Variants in THSD7B observed in about 807,000 individuals in gnomAD.
THSD7B encodes the protein thrombospondin type 1 domain containing 7B.
A neutral mutation model predicts 213.6 loss-of-function variants in THSD7B; 138 were observed. The ratio of observed to expected loss-of-function variants is 0.65; its 90% CI spans 0.56 to 0.74. THSD7B has a LOEUF of 0.74. Ranked by LOEUF, THSD7B falls within the 30% of genes least tolerant of loss-of-function variation. The pLI, the probability that THSD7B is intolerant of heterozygous loss-of-function variation, is 0.00. For synonymous variants in THSD7B, 742 were observed against 687.0 expected (o/e 1.08, Z -1.25); for missense variants, 1,931 against 1,991.5 (o/e 0.97, Z 0.58).
At chr2:136,784,116 AG>A (rs1681794999) in intron 1 of THSD7B, among the ~76,000 whole-genome samples, 1 of 152,226 alleles carries the variant, frequency 6.6e-6, no homozygotes, top group Non-Finnish European at 1.5e-5. Flanking sequence ...GTCTCTCTTT[AG>A]TTTCAAATCA....
chr2:136,892,499 G>C (rs933769662), intron 2 of THSD7B, among the ~76,000 whole-genome samples: 1 of 150,828 alleles, frequency 6.6e-6, no homozygotes, highest in African/African-American at 2.4e-5. Context: ...TACTACCTAC[G>C]CTGGACTACT....
chr2:136,990,784 C>A, intron 2 of THSD7B: 1 of 728,530 alleles, frequency 1.4e-6, no homozygotes, highest in Non-Finnish European at 2.1e-6. Flanking sequence ...GATGGAGATA[C>A]TGATTAGGAC....
chr2:137,661,755 G>A (rs1683348284), intron 25 of THSD7B, among the ~76,000 whole-genome samples: 1 of 152,114 alleles, frequency 6.6e-6, no homozygotes, highest in Non-Finnish European at 1.5e-5. Context: ...GCATGCTTCA[G>A]GGGTAGAGGT....
At chr2:137,475,761 A>G (rs1029602654) in intron 15 of THSD7B, among the ~76,000 whole-genome samples, 2 of 152,192 alleles carry the variant, frequency 1.3e-5, no homozygotes, top group Non-Finnish European at 2.9e-5. Flanking sequence ...GCTATTGTGA[A>G]TAATGCTGCA....
intron 2 of THSD7B, among the ~76,000 whole-genome samples, chr2:136,920,051 G>T (rs1280474430): frequency 6.6e-6 from 1 of 152,212 alleles, no homozygotes; most frequent in African/African-American, 2.4e-5. Flanking sequence ...TTCCTAAAGG[G>T]CTGCAGCTCT....
intron 17 of THSD7B, among the ~76,000 whole-genome samples, chr2:137,598,524 A>G (rs1682008170): frequency 6.6e-6 from 1 of 152,226 alleles, no homozygotes; most frequent in Non-Finnish European, 1.5e-5. Flanking sequence ...ACAGTAAGTT[A>G]GCAAACAAGC....
At chr2:137,526,822 G>A (rs1024604074) in intron 15 of THSD7B, among the ~76,000 whole-genome samples, 1 of 152,118 alleles carries the variant, frequency 6.6e-6, no homozygotes, top group African/African-American at 2.4e-5. Flanking sequence ...GAGGGTATTG[G>A]CCTATAGAGG....
At chr2:136,874,945 G>C (rs1465936475) in intron 1 of THSD7B, among the ~76,000 whole-genome samples, 2 of 152,102 alleles carry the variant, frequency 1.3e-5, no homozygotes, top group Admixed American at 6.5e-5. Flanking sequence ...ACAAACAGAG[G>C]AGTGGAATCT....
chr2:137,411,543 G>T, intron 13 of THSD7B, 66 bp from the exon 14 acceptor site: 1 of 1,414,160 alleles, frequency 7.1e-7, no homozygotes, highest in Non-Finnish European at 9.6e-7. Context: ...AAATACAAAA[G>T]TGTGAGTGAC....
At chr2:137,292,862 C>A (rs537900787) in intron 12 of THSD7B, among the ~76,000 whole-genome samples, 1 of 152,220 alleles carries the variant, frequency 6.6e-6, no homozygotes, top group African/African-American at 2.4e-5. Context: ...ATAACTTCCT[C>A]ATTAGTTATT....
rs1399083920 is a variant in THSD7B, at chr2:137,411,752, C to T, written c.2839C>T (p.His947Tyr). ...TCTTCCAGAAGGCAGAAGGGAGCCT[C>T]ACCGAGGACTGCGGGTACAAGCAGA... ...CILPEGRREP[H>Y]RGLRVQADSK... Residue 947 changes from histidine to tyrosine, a missense_variant, in exon 14 of 28, where the codon CAC becomes TAC. Coordinates refer to ENST00000409968, the MANE Select transcript of THSD7B (RefSeq NM_001316349.2). 1.2e-6 allele frequency: 2 copies of T among 1,613,962 alleles called. No homozygotes were observed. Among genetic ancestry groups the T allele is most frequent in the Admixed American group, 3.3e-5 (2 of 60,004 alleles).
At chr2:137,293,248 T>C (rs1683380919) in intron 12 of THSD7B, among the ~76,000 whole-genome samples, 1 of 151,962 alleles carries the variant, frequency 6.6e-6, no homozygotes, top group Non-Finnish European at 1.5e-5. Flanking sequence ...AAGGGATTCT[T>C]TCACCTCAGC....
intron 7 of THSD7B, among the ~76,000 whole-genome samples, chr2:137,185,077 C>T (rs765039379): frequency 7.9e-5 from 12 of 152,030 alleles, no homozygotes; most frequent in Admixed American, 3.9e-4. Context: ...CATGCCTGAT[C>T]AAAAGCTTTG....
chr2:137,279,902 G>T (rs1489653192), intron 12 of THSD7B, among the ~76,000 whole-genome samples: 4 of 152,150 alleles, frequency 2.6e-5, no homozygotes, highest in African/African-American at 9.7e-5. Flanking sequence ...ATTTGGAAAA[G>T]TTTATTTTGT....
At chr2:137,477,613 AT>A (rs1245098326) in intron 15 of THSD7B, among the ~76,000 whole-genome samples, 1 of 150,634 alleles carries the variant, frequency 6.6e-6, no homozygotes, top group Non-Finnish European at 1.5e-5. Context: ...TTTCCCTCTT[AT>A]TTTTTATCAT....
At chr2:137,657,186 G>A (rs749445331) in intron 24 of THSD7B, 26 bp downstream of exon 24, 4 of 1,607,654 alleles carry the variant, frequency 2.5e-6, no homozygotes, top group Non-Finnish European at 2.6e-6. Context: ...ACTCATGTGG[G>A]CACTTCACAA....
rs1681475673 is a variant in THSD7B, at chr2:137,576,915, G to A, written c.3423+4359G>A. On this transcript the variant is annotated intron_variant, in intron 17 of 27. Coordinates refer to ENST00000409968, the MANE Select transcript of THSD7B (RefSeq NM_001316349.2). ...CCTTGGCATCACCTGTGTAAATTATGTTTCAGGGAAGCAATTTATCCCAAT... is the reference window on the plus strand; with the variant it reads ...CCTTGGCATCACCTGTGTAAATTATATTTCAGGGAAGCAATTTATCCCAAT... Among the ~76,000 whole-genome samples the A allele has an allele frequency of 2.0e-5, 3 of 150,944 alleles. No individual in the cohort carries two copies. The South Asian group carries it at 6.4e-4, about 32-fold the overall frequency.
intron 20 of THSD7B, among the ~76,000 whole-genome samples, chr2:137,640,328 G>A (rs1682916741): frequency 6.6e-6 from 1 of 152,074 alleles, no homozygotes; most frequent in Admixed American, 6.5e-5. Flanking sequence ...TGGTTCTGAG[G>A]CCTCCCCAGC....
At chr2:137,676,394 C>G (rs1007146246) in intron 27 of THSD7B, 130 bp from the exon 28 acceptor site, 2 of 767,440 alleles carry the variant, frequency 2.6e-6, no homozygotes, top group East Asian at 2.9e-5. Flanking sequence ...AAAAGGGAAC[C>G]CACACATCTA....
Sources: gnomAD v4.1 joint callset for allele counts (sites outside exome capture counted in the v4.1 genomes callset) on GRCh38, gnomAD v4.1.1 for gene constraint, MANE v1.5 for transcripts, NCBI Gene and HGNC (gene_info 2026-07-23, HGNC 2026-07-21) for gene names.